The following KCNV2 variants were observed in gnomAD, a reference collection of about 807,000 sequenced individuals.
KCNV2 encodes potassium voltage-gated channel subfamily V member 2.
KCNV2 carries 65 observed loss-of-function variants against 37.0 expected under a neutral mutation model. The observed-to-expected ratio is 1.76, with a 90% CI of 1.44 to 2.16. The LOEUF (loss-of-function observed/expected upper bound fraction) is 2.16. KCNV2 is among the 30% of genes most tolerant of loss of function. KCNV2 has a pLI of 0.00. For synonymous variants in KCNV2, 518 were observed against 328.6 expected (o/e 1.58, Z -6.23); for missense variants, 1,232 against 766.7 (o/e 1.61, Z -7.17).
At chr9:2,720,082 G>C (rs1340838025) in intron 1 of KCNV2, among the ~76,000 whole-genome samples, 1 of 152,182 alleles carries the variant, frequency 6.6e-6, no homozygotes. Flanking sequence ...AAAGTAGATT[G>C]TAATACCTTT....
In KCNV2 at chr9:2,718,372, C is replaced by T. The variant is rs920301311; in HGVS notation, c.633C>T (p.Ser211=). 3 of 1,599,430 alleles carry T rather than the reference C, an allele frequency of 1.9e-6. No homozygotes were observed. The highest frequency in any genetic ancestry group is 1.7e-6 in the Non-Finnish European group (2 of 1,174,556). Residue 211 remains serine, a synonymous_variant, in exon 1 of 2, where the codon AGC becomes AGT. Transcript: ENST00000382082. ...TCGAGGAGCGGCGCGACGAGCTGAG[C>T]GAACGGCTCAAGATCCAGCACGAGC... ...ICFEERRDEL[S]ERLKIQHELR...
rs1256382058 is a variant in KCNV2 at position 2,718,795 on chromosome 9, C to T, written c.1056C>T (p.Leu352=). ...TGCCGCTCTACCTTCAGCTGCTGCT[C>T]GAGTGCTTCACGGGCGAGGGCCACC... ...AILPLYLQLL[L]ECFTGEGHQR... The change falls in exon 1 of 2, where the codon CTC becomes CTT. Residue 352 remains leucine, a synonymous_variant. Coordinates refer to ENST00000382082, the MANE Select transcript of KCNV2 (RefSeq NM_133497.4). 7 of 1,610,628 alleles carry T rather than the reference C, an allele frequency of 4.3e-6. No homozygotes were observed. The highest frequency in any genetic ancestry group is 2.2e-5 in the East Asian group (1 of 44,886).
Position 2,718,718 on chromosome 9 carries a change from C to G in KCNV2, c.979C>G (p.Leu327Val). The change falls in exon 1 of 2, where the codon CTG becomes GTG. Residue 327 changes from leucine (L) to valine (V), a missense_variant. Transcript: ENST00000382082. Reference sequence around the variant, plus strand: ...GCTGCGCCTAGCCTCCACGCCCGACCTGAGGCGCTTCGCGCGCAGCGCCCT... The same window carrying G: ...GCTGCGCCTAGCCTCCACGCCCGACGTGAGGCGCTTCGCGCGCAGCGCCCT... ...YLLRLASTPD[L>V]RRFARSALNL... The G allele has an allele frequency of 1.2e-6, 2 of 1,612,982 alleles. No homozygotes were observed. The highest frequency in any genetic ancestry group is 1.1e-5 in the South Asian group (1 of 91,078).
chr9:2,724,627 C>T (rs1055117995), intron 1 of KCNV2, among the ~76,000 whole-genome samples: 3 of 152,170 alleles, frequency 2.0e-5, no homozygotes, highest in African/African-American at 7.2e-5. Context: ...TGCAAGGACT[C>T]CTAAATTGGC....
Position 2,728,086 on chromosome 9 carries a change from C to T in KCNV2, c.1357-1360C>T, listed in dbSNP as rs1819996224. 1.3e-5 allele frequency among the ~76,000 whole-genome samples: 2 copies of T among 152,192 alleles called. 1 individual carries two copies. Among genetic ancestry groups the T allele is most frequent in the Admixed American group, 1.3e-4 (2 of 15,278 alleles). ...GTGGGCTGGATGGAGCTGTGGTTCT[C>T]ATCAGTGCCCTCAGTTTTGTGCAGC... is the stretch of plus-strand genomic sequence containing the variant. On this transcript the variant is annotated intron_variant, in intron 1 of 1. Transcript: ENST00000382082.
rs763616186 is a variant in KCNV2 at position 2,718,411 on chromosome 9, G to C, written c.672G>C (p.Ala224=). Residue 224 remains alanine, a synonymous_variant, in exon 1 of 2, where the codon GCG becomes GCC. Coordinates refer to ENST00000382082, the MANE Select transcript of KCNV2 (RefSeq NM_133497.4). ...LKIQHELRAQ[A]QVEEAEELFR... Reference sequence around the variant, plus strand: ...TCCAGCACGAGCTGCGCGCGCAGGCGCAGGTCGAGGAGGCGGAGGAACTCT... The same window carrying C: ...TCCAGCACGAGCTGCGCGCGCAGGCCCAGGTCGAGGAGGCGGAGGAACTCT... 5 of 1,603,130 alleles carry C rather than the reference G, an allele frequency of 3.1e-6. No homozygotes were observed. The South Asian group carries it at 3.3e-5, about 11-fold the overall frequency.
rs560306595 is a variant in KCNV2, at chr9:2,723,349, TTAA to T, written c.1356+4259_1356+4261del. Among the ~76,000 whole-genome samples the T allele has an allele frequency of 1.0e-3, 157 of 152,312 alleles. 2 individuals are homozygous for T. The highest frequency in any genetic ancestry group is 1.2e-3 in the Non-Finnish European group (84 of 68,020). On this transcript the variant is annotated intron_variant, in intron 1 of 1. Transcript: ENST00000382082. ...AGACAACACCAAATCTGACTTGCTT[TTAA>T]TAATCTTTCTTCTCTCTATGCCAAG...
At chr9:2,728,145 A>G (rs1008162607) in intron 1 of KCNV2, among the ~76,000 whole-genome samples, 1 of 152,132 alleles carries the variant, frequency 6.6e-6, no homozygotes, top group Non-Finnish European at 1.5e-5. Context: ...TAATCAGTCA[A>G]CTGCACTATT....
intron 1 of KCNV2, among the ~76,000 whole-genome samples, chr9:2,728,060 C>G (rs1819995884): frequency 6.6e-6 from 1 of 152,050 alleles, no homozygotes; most frequent in South Asian, 2.1e-4. Flanking sequence ...TTCCTTTTTT[C>G]GTGGGCTGGA....
chr9:2,727,065 C>T (rs1428378387), intron 1 of KCNV2, among the ~76,000 whole-genome samples: 2 of 152,140 alleles, frequency 1.3e-5, no homozygotes, highest in Non-Finnish European at 2.9e-5. Flanking sequence ...CTGTCACTCA[C>T]TCCTAAATCC....
rs149605734 is a variant in KCNV2, at chr9:2,718,561, G to A, written c.822G>A (p.Val274=). The A allele has an allele frequency of 6.2e-6, 10 of 1,612,384 alleles. No individual in the cohort carries two copies. The African/African-American group carries it at 1.1e-4, about 17-fold the overall frequency. ...CCAGCACCTTCGTGCTCGTCTCCGTGGTGGCGCTGGCGCTCAACACCGTGG... is the reference window on the plus strand; with the variant it reads ...CCAGCACCTTCGTGCTCGTCTCCGTAGTGGCGCTGGCGCTCAACACCGTGG... The part of the protein sequence containing the change: ...VASSTFVLVS[V]VALALNTVEE... Residue 274 remains valine (V), a synonymous_variant, in exon 1 of 2, where the codon GTG becomes GTA. Transcript: ENST00000382082.
chr9:2,724,408 A>C (rs1819935692), intron 1 of KCNV2, among the ~76,000 whole-genome samples: 1 of 152,238 alleles, frequency 6.6e-6, no homozygotes, highest in African/African-American at 2.4e-5. Flanking sequence ...TATTTCAAAC[A>C]GGGAATTTAA....
intron 1 of KCNV2, among the ~76,000 whole-genome samples, chr9:2,722,018 T>C (rs948129553): frequency 2.7e-5 from 4 of 147,962 alleles, no homozygotes; most frequent in Non-Finnish European, 5.9e-5. Context: ...TGTGTATTTA[T>C]TTATAAATAA....
chr9:2,719,219 C>G, intron 1 of KCNV2, 124 bp downstream of exon 1: 2 of 1,060,072 alleles, frequency 1.9e-6, no homozygotes, highest in South Asian at 2.7e-5. Context: ...CACCCCCAAT[C>G]GCCGCATACA....
At chr9:2,728,075 G>C (rs1042220474) in intron 1 of KCNV2, among the ~76,000 whole-genome samples, 2 of 152,190 alleles carry the variant, frequency 1.3e-5, no homozygotes, top group African/African-American at 4.8e-5. Context: ...GCTGGATGGA[G>C]CTGTGGTTCT....
chr9:2,719,057 A>T lies in KCNV2; in HGVS notation c.1318A>T (p.Asn440Tyr), dbSNP rs1000777419. 16 of 1,612,216 alleles carry T rather than the reference A, an allele frequency of 9.9e-6. No individual in the cohort carries two copies. The African/African-American group carries it at 2.1e-4, about 22-fold the overall frequency. ...YSVEHDVPST[N>Y]FTTIPHSWWW... ...TGTGGAGCACGATGTGCCCAGCACC[A>T]ACTTCACTACCATCCCCCACTCCTG... The change falls in exon 1 of 2, where the codon AAC becomes TAC. Residue 440 changes from asparagine to tyrosine, a missense_variant. Physicochemically the swap from Asn to Tyr is moderately radical, Grantham distance 143. Transcript: ENST00000382082.
chr9:2,718,535 T>G lies in KCNV2; in HGVS notation c.796T>G (p.Ser266Ala), dbSNP rs745567670. The change falls in exon 1 of 2, where the codon TCC (serine) becomes GCC (alanine). Residue 266 changes from serine to alanine, a missense_variant. Ser to Ala is a moderately conservative substitution (Grantham distance 99, BLOSUM62 1). Transcript: ENST00000382082. Reference protein sequence around the residue: ...SVAAKAIGVASSTFVLVSVVA... With the variant: ...SVAAKAIGVAASTFVLVSVVA... ...GGCCGCCAAGGCCATCGGGGTGGCCTCCAGCACCTTCGTGCTCGTCTCCGT... is the reference window on the plus strand; with the variant it reads ...GGCCGCCAAGGCCATCGGGGTGGCCGCCAGCACCTTCGTGCTCGTCTCCGT... The G allele has an allele frequency of 3.7e-6, 6 of 1,611,582 alleles. No individual in the cohort carries two copies. The highest frequency in any genetic ancestry group is 4.2e-6 in the Non-Finnish European group (5 of 1,179,336).
chr9:2,719,166 T>C, intron 1 of KCNV2, 71 bp downstream of exon 1: 1 of 1,551,508 alleles, frequency 6.4e-7, no homozygotes, highest in Non-Finnish European at 8.7e-7. Flanking sequence ...CTCCCCTGGT[T>C]ATCAGCCACC....
intron 1 of KCNV2, among the ~76,000 whole-genome samples, 154 bp downstream of exon 1, chr9:2,719,249 A>C (rs142481288): frequency 6.6e-6 from 1 of 152,112 alleles, no homozygotes; most frequent in Admixed American, 6.6e-5. Context: ...ACGGCGATGG[A>C]TGTCAAAAGT....
Sources: allele counts gnomAD v4.1 joint callset (sites outside exome capture counted in the v4.1 genomes callset), GRCh38; gene constraint gnomAD v4.1.1; transcripts MANE v1.5; gene names NCBI Gene and HGNC (gene_info 2026-07-23, HGNC 2026-07-21).